The following AGAP1 variants were observed in gnomAD, a reference collection of about 807,000 sequenced individuals.
The protein encoded by AGAP1 is ArfGAP with GTPase domain, ankyrin repeat and PH domain 1, also known as arf-GAP with GTPase, ANK repeat and PH domain-containing protein 1.
In AGAP1, 29 loss-of-function variants were observed where a neutral mutation model predicts 105.3. That is an observed-to-expected ratio of 0.28 (90% CI 0.21 to 0.38). AGAP1 has a LOEUF of 0.38. AGAP1 is among the 10% of genes least tolerant of loss of function. The pLI, the probability that AGAP1 is intolerant of heterozygous loss-of-function variation, is 1.00. For missense variants in AGAP1, 998 were observed against 1,165.1 expected (o/e 0.86, Z 2.09); for synonymous variants, 509 against 485.9 (o/e 1.05, Z -0.63).
chr2:235,755,420 T>C (rs530166455), intron 6 of AGAP1, among the ~76,000 whole-genome samples: 6 of 152,290 alleles, frequency 3.9e-5, no homozygotes, highest in African/African-American at 4.8e-5. Context: ...TAGACATTGT[T>C]CCTCTGGTCC....
intron 9 of AGAP1, chr2:235,852,797 C>T: frequency 6.5e-7 from 1 of 1,530,684 alleles, no homozygotes; most frequent in Non-Finnish European, 8.8e-7. Flanking sequence ...TCAGACCAGC[C>T]CGCATTGTGC....
rs546870474 is a variant in AGAP1, at chr2:236,106,948, T to C, written c.2115-13244T>C. ...TGGCCTATGGTGCATTTTACAGATG[T>C]GTCAACGTGGGAAGCTGGGCCAAGG... On this transcript the variant is annotated intron_variant, in intron 16 of 17. Coordinates refer to ENST00000304032, the MANE Select transcript of AGAP1 (RefSeq NM_001037131.3). Among the ~76,000 whole-genome samples the C allele has an allele frequency of 1.2e-3, 186 of 152,164 alleles. 1 individual carries two copies. Among genetic ancestry groups the C allele is most frequent in the African/African-American group, 4.3e-3 (179 of 41,518 alleles).
At chr2:235,849,026 C>T (rs536327991) in intron 9 of AGAP1, among the ~76,000 whole-genome samples, 30 of 152,278 alleles carry the variant, frequency 2.0e-4, no homozygotes, top group African/African-American at 6.3e-4. Flanking sequence ...TTCCTTGGCA[C>T]TATGTTAAAT....
intron 1 of AGAP1, among the ~76,000 whole-genome samples, chr2:235,554,957 A>T (rs929706053): frequency 2.0e-5 from 3 of 152,224 alleles, no homozygotes; most frequent in African/African-American, 7.2e-5. Flanking sequence ...GGTGTGAGCC[A>T]CGGTGCCTGG....
intron 1 of AGAP1, among the ~76,000 whole-genome samples, chr2:235,636,732 T>C (rs1664875811): frequency 2.0e-5 from 3 of 152,234 alleles, no homozygotes; most frequent in Admixed American, 6.5e-5. Context: ...GCCCGGTGCC[T>C]ATGAATGTGA....
In AGAP1 at chr2:235,535,334, A is replaced by T. The variant is rs1283863383; in HGVS notation, c.163+40485A>T. ...AGAGCCGAGTTCAAGAAAATGAAGT[A>T]CTGCATGCGACGAGCAAGTTTATTG... On this transcript the variant is annotated intron_variant, in intron 1 of 17. Coordinates refer to ENST00000304032, the MANE Select transcript of AGAP1 (RefSeq NM_001037131.3). This position sits in a 1 kb window ranked among gnomAD's most constrained non-coding sequence, Gnocchi z 5.1. 6.6e-6 allele frequency among the ~76,000 whole-genome samples: 1 copy of T among 152,158 alleles called. No homozygotes were observed. Among genetic ancestry groups the T allele is most frequent in the African/African-American group, 2.4e-5 (1 of 41,436 alleles).
In AGAP1 at chr2:235,655,537, C is replaced by T. The variant is rs1376100518; in HGVS notation, c.164-53642C>T. ...TTTCCTGTATTTCACCAGTATAATA[C>T]TCCCCACTCCTAGTTGGGAATATCT... On this transcript the variant is annotated intron_variant, in intron 1 of 17. Transcript: ENST00000304032. The surrounding 1 kb of genome is among the most constrained non-coding windows in gnomAD (Gnocchi z 4.3). Among the ~76,000 whole-genome samples the T allele has an allele frequency of 6.6e-6, 1 of 152,148 alleles. No homozygotes were observed. The highest frequency in any genetic ancestry group is 6.5e-5 in the Admixed American group (1 of 15,272).
rs1414501993 is a variant in AGAP1, at chr2:235,732,486, C to T, written c.311-8477C>T. Among the ~76,000 whole-genome samples, 4 of 152,144 alleles carry T rather than the reference C, an allele frequency of 2.6e-5. No individual in the cohort carries two copies. Among genetic ancestry groups the T allele is most frequent in the Non-Finnish European group, 5.9e-5 (4 of 68,038 alleles). On this transcript the variant is annotated intron_variant, in intron 3 of 17. Coordinates refer to ENST00000304032, the MANE Select transcript of AGAP1 (RefSeq NM_001037131.3). The surrounding 1 kb of genome is among the most constrained non-coding windows in gnomAD (Gnocchi z 4.8). ...CTGGAATGGCTGTTCTTTCTTAAGT[C>T]ACACTGGAGTGGGAAGCGGTTGTAA...
rs1351734917 is a variant in AGAP1 at position 235,700,803 on chromosome 2, C to CTG, written c.164-8375_164-8374insGT. ...CGACAAAGCGAGAATCTGTCTCTGT[C>CTG]TCTCTCTCTCTCTCTCTGTGTATAT... On this transcript the variant is annotated intron_variant, in intron 1 of 17. Transcript: ENST00000304032. The surrounding 1 kb of genome is among the most constrained non-coding windows in gnomAD (Gnocchi z 6.1). 6.8e-6 allele frequency among the ~76,000 whole-genome samples: 1 copy of CTG among 147,058 alleles called. No individual in the cohort carries two copies. The highest frequency in any genetic ancestry group is 2.5e-5 in the African/African-American group (1 of 40,046).
chr2:235,498,098 C>T (rs1422783838), intron 1 of AGAP1, among the ~76,000 whole-genome samples: 3 of 152,052 alleles, frequency 2.0e-5, no homozygotes, highest in Admixed American at 2.0e-4. Context: ...GGAGGTGGGT[C>T]TGGGTTGTAA....
chr2:235,709,570 GCAGGA>G (rs1326273366), intron 2 of AGAP1, among the ~76,000 whole-genome samples: 32 of 151,686 alleles, frequency 2.1e-4, no homozygotes, highest in Non-Finnish European at 4.1e-4. Context: ...TTTGTCCTTT[GCAGGA>G]TGTCACGGAA....
intron 9 of AGAP1, among the ~76,000 whole-genome samples, chr2:235,810,854 T>A (rs73998931): frequency 0.23 from 33,769 of 146,282 alleles, 4,809 homozygotes; most frequent in Admixed American, 0.39. Flanking sequence ...TTTTTTTTTT[T>A]ACTAATAAGG....
rs545368244 is a variant in AGAP1 at position 235,757,454 on chromosome 2, G to T, written c.673+6966G>T. On this transcript the variant is annotated intron_variant, in intron 6 of 17. Coordinates refer to ENST00000304032, the MANE Select transcript of AGAP1 (RefSeq NM_001037131.3). ...TTATTAGGGCTTCCTCTGTTCACAC[G>T]CTGTGTACATCGTCCTGGTGGATGG... Among the ~76,000 whole-genome samples, 607 of 152,304 alleles carry T rather than the reference G, an allele frequency of 4.0e-3. 2 individuals carry two copies. The highest frequency in any genetic ancestry group is 6.2e-3 in the Non-Finnish European group (419 of 68,030).
rs1952245466 is a variant in AGAP1 at position 235,736,245 on chromosome 2, C to T, written c.311-4718C>T. ...GTTCCAGGGTGGGCGCTGGTCCCTT[C>T]CCACGGAGCTCGCCTAGCACCTGTT... On this transcript the variant is annotated intron_variant, in intron 3 of 17. Coordinates refer to ENST00000304032, the MANE Select transcript of AGAP1 (RefSeq NM_001037131.3). This position sits in a 1 kb window ranked among gnomAD's most constrained non-coding sequence, Gnocchi z 5.5. Among the ~76,000 whole-genome samples the T allele has an allele frequency of 6.6e-6, 1 of 152,056 alleles. No homozygotes were observed. The highest frequency in any genetic ancestry group is 2.1e-4 in the South Asian group (1 of 4,804).
Position 235,888,447 on chromosome 2 carries a change from C to T in AGAP1, c.1155+4998C>T, listed in dbSNP as rs1046054150. 1.3e-5 allele frequency among the ~76,000 whole-genome samples: 2 copies of T among 152,058 alleles called. No homozygotes were observed. The highest frequency in any genetic ancestry group is 2.4e-5 in the African/African-American group (1 of 41,412). ...TAGTCAACCAAATTAAATTCCCAGGCGAGCTCCCCAACCAGTCCTCCCTAG... is the reference window on the plus strand; with the variant it reads ...TAGTCAACCAAATTAAATTCCCAGGTGAGCTCCCCAACCAGTCCTCCCTAG... On this transcript the variant is annotated intron_variant, in intron 10 of 17. Transcript: ENST00000304032. This position sits in a 1 kb window ranked among gnomAD's most constrained non-coding sequence, Gnocchi z 4.8.
At chr2:235,563,008 C>T (rs375482029) in intron 1 of AGAP1, among the ~76,000 whole-genome samples, 39 of 152,000 alleles carry the variant, frequency 2.6e-4, no homozygotes, top group Middle Eastern at 3.2e-3. Context: ...TGCAGTGAGC[C>T]GCTGCACACC....
chr2:235,900,782 A>G lies in AGAP1; in HGVS notation c.1156-7956A>G, dbSNP rs1034741965. Among the ~76,000 whole-genome samples the G allele has an allele frequency of 6.6e-6, 1 of 152,306 alleles. No homozygotes were observed. The highest frequency in any genetic ancestry group is 1.9e-4 in the East Asian group (1 of 5,170). ...AGCTGTTTGCCTCTGTGCATGCTAC[A>G]CATCTGATTGGCCAGGTGCCTTCCT... On this transcript the variant is annotated intron_variant, in intron 10 of 17. Coordinates refer to ENST00000304032, the MANE Select transcript of AGAP1 (RefSeq NM_001037131.3). This position sits in a 1 kb window ranked among gnomAD's most constrained non-coding sequence, Gnocchi z 5.5.
Position 235,612,835 on chromosome 2 carries a change from T to C in AGAP1, c.164-96344T>C, listed in dbSNP as rs1946180725. On this transcript the variant is annotated intron_variant, in intron 1 of 17. Transcript: ENST00000304032. This position sits in a 1 kb window ranked among gnomAD's most constrained non-coding sequence, Gnocchi z 4.3. The stretch of plus-strand genomic sequence containing the variant: ...ATCTTGTGGAGGGAATGACCCCACG[T>C]CTCTGGATTCTGGCTTCTGCTTCCA... Among the ~76,000 whole-genome samples the C allele has an allele frequency of 6.6e-6, 1 of 152,084 alleles. No homozygotes were observed. Among genetic ancestry groups the C allele is most frequent in the East Asian group, 1.9e-4 (1 of 5,176 alleles).
chr2:235,665,670 A>T lies in AGAP1; in HGVS notation c.164-43509A>T, dbSNP rs773929695. Among the ~76,000 whole-genome samples, 1 of 152,096 alleles carries T rather than the reference A, an allele frequency of 6.6e-6. No homozygotes were observed. Among genetic ancestry groups the T allele is most frequent in the Non-Finnish European group, 1.5e-5 (1 of 68,006 alleles). On this transcript the variant is annotated intron_variant, in intron 1 of 17. Transcript: ENST00000304032. This position sits in a 1 kb window ranked among gnomAD's most constrained non-coding sequence, Gnocchi z 5.3. ...TCTTCTTACATGTATCTGTCAGTCAACTGGCTACCAGAAAATAGCCTTTGA... is the reference window on the plus strand; with the variant it reads ...TCTTCTTACATGTATCTGTCAGTCATCTGGCTACCAGAAAATAGCCTTTGA...
Sources: allele counts gnomAD v4.1 joint callset (sites outside exome capture counted in the v4.1 genomes callset), GRCh38; gene constraint gnomAD v4.1.1; non-coding constraint Gnocchi (gnomAD v3.1); transcripts MANE v1.5; gene names NCBI Gene and HGNC (gene_info 2026-07-23, HGNC 2026-07-21).